Variants in FBXO5 observed in about 807,000 individuals in gnomAD.
FBXO5 encodes the protein F-box only protein 5.
In FBXO5, 8 loss-of-function variants were observed where a neutral mutation model predicts 43.3. The ratio of observed to expected loss-of-function variants is 0.18; its 90% confidence interval spans 0.11 to 0.33. FBXO5 has a LOEUF of 0.33. Ranked by LOEUF, FBXO5 falls within the 10% of genes least tolerant of loss-of-function variation. The pLI is 1.00. For synonymous variants in FBXO5, 204 were observed against 193.7 expected (o/e 1.05, Z -0.44); for missense variants, 491 against 535.7 (o/e 0.92, Z 0.82).
upstream of FBXO5, chr6:152,983,087 T>C (rs1359822721): frequency 3.8e-6 from 2 of 519,868 alleles, no homozygotes; most frequent in Non-Finnish European, 6.3e-6. Flanking sequence ...TTGAATTTGG[T>C]GCCTAAATCC....
At chr6:152,982,124 A>T (rs1367957844) in intron 1 of FBXO5, among the ~76,000 whole-genome samples, 1 of 152,124 alleles carries the variant, frequency 6.6e-6, no homozygotes, top group Non-Finnish European at 1.5e-5. Flanking sequence ...TAACGGGCAA[A>T]GGGAGAAAAA....
Position 152,983,003 on chromosome 6 carries a change from G to C in FBXO5, c.-44C>G. The stretch of plus-strand genomic sequence containing the variant: ...TGCCTCAGGTGGAGGAACCGCTCCG[G>C]GGGCAGCTGAGCAACCTGCCTGCTT... On this transcript the variant is annotated 5_prime_UTR_variant, in exon 1 of 5. Transcript: ENST00000229758. 7.9e-7 allele frequency: 1 copy of C among 1,260,326 alleles called. No individual in the cohort carries two copies. The highest frequency in any genetic ancestry group is 4.0e-5 in the Admixed American group (1 of 25,078). 78.1% of individuals were successfully genotyped at this position (1,260,326 alleles called of 1,614,324 possible).
chr6:152,979,666 A>T (rs1205896239), intron 1 of FBXO5, among the ~76,000 whole-genome samples: 1 of 152,230 alleles, frequency 6.6e-6, no homozygotes, highest in Non-Finnish European at 1.5e-5. Context: ...CCAATCATTT[A>T]TATCAGTATA....
At chr6:152,981,044 T>C (rs1778251159) in intron 1 of FBXO5, among the ~76,000 whole-genome samples, 1 of 152,166 alleles carries the variant, frequency 6.6e-6, no homozygotes, top group Admixed American at 6.5e-5. Flanking sequence ...CACAAAGAAG[T>C]ATATATTTCA....
At position 152,971,428 on chromosome 6, in the gene FBXO5, A is replaced by T. The variant is rs1324766060; in HGVS notation, c.1093-14T>A. ...TGTCTTGGCAACCTAAAAAGAAAAA[A>T]AAAACCCATTAACAAATTTCAGCAA... On this transcript the variant is annotated splice_polypyrimidine_tract_variant and intron_variant, in intron 4 of 4. Transcript: ENST00000229758. 1 of 1,577,134 alleles carries T rather than the reference A, an allele frequency of 6.3e-7. No individual in the cohort carries two copies. The highest frequency in any genetic ancestry group is 2.2e-5 in the East Asian group (1 of 44,706).
Position 152,978,086 on chromosome 6 carries a change from T to C in FBXO5, c.104-2465A>G, listed in dbSNP as rs1427678847. On this transcript the variant is annotated intron_variant, in intron 1 of 4. Transcript: ENST00000229758. ...GTTAATTAAATGAGCCAGATTTCTC[T>C]TCCTCATTATAATGAGGTGCTCTGG... Among the ~76,000 whole-genome samples, 5 of 152,206 alleles carry C rather than the reference T, an allele frequency of 3.3e-5. No individual in the cohort carries two copies. The East Asian group carries it at 9.6e-4, about 29-fold the overall frequency.
In FBXO5 at chr6:152,971,102, G is replaced by C. The variant is rs541818696; in HGVS notation, c.*61C>G. 432 of 1,482,466 alleles carry C rather than the reference G, an allele frequency of 2.9e-4. 1 individual carries two copies. The highest frequency in any genetic ancestry group is 3.8e-4 in the Non-Finnish European group (418 of 1,108,914). The allele number at this position is 1,482,466 out of a possible 1,614,324, so 91.8% of individuals were successfully genotyped here. ...AAAATCACAATACAATTTTTTTTAA[G>C]TTAAAACCTAACATTTTCTAACTAA... On this transcript the variant is annotated 3_prime_UTR_variant, in exon 5 of 5. Coordinates refer to ENST00000229758, the MANE Select transcript of FBXO5 (RefSeq NM_012177.5).
In FBXO5 at chr6:152,972,466, A is replaced by C; in HGVS notation, c.910-12T>G. 1 of 1,554,508 alleles carries C rather than the reference A, an allele frequency of 6.4e-7. No individual in the cohort carries two copies. Among genetic ancestry groups the C allele is most frequent in the Non-Finnish European group, 8.7e-7 (1 of 1,145,408 alleles). On this transcript the variant is annotated splice_polypyrimidine_tract_variant and intron_variant, in intron 3 of 4. Coordinates refer to ENST00000229758, the MANE Select transcript of FBXO5 (RefSeq NM_012177.5). ...TTATTGTTGTTTTCCTAATTTAAAA[A>C]AAAGTTTTAATAGAATTTAGAAATT...
chr6:152,978,376 TTGGGGG>T (rs1252726768), intron 1 of FBXO5, among the ~76,000 whole-genome samples: 30 of 5,678 alleles, frequency 5.3e-3, no homozygotes, highest in African/African-American at 0.015. Flanking sequence ...GCTTCATTTT[TTGGGGG>T]GGGGGGGGGG....
intron 1 of FBXO5, among the ~76,000 whole-genome samples, chr6:152,980,526 G>A (rs1323014554): frequency 6.6e-6 from 1 of 152,162 alleles, no homozygotes; most frequent in Non-Finnish European, 1.5e-5. Context: ...CAAAAGTGGA[G>A]AAATTTGGTT....
rs764039965 is a variant in FBXO5, at chr6:152,972,997, A to C, written c.909+49T>G. The C allele has an allele frequency of 8.6e-6, 12 of 1,393,916 alleles. No homozygotes were observed. The Middle Eastern group carries it at 5.4e-4, about 62-fold the overall frequency. The allele number at this position is 1,393,916 out of a possible 1,614,324, so 86.3% of individuals were successfully genotyped here. On this transcript the variant is annotated intron_variant, in intron 3 of 4. Coordinates refer to ENST00000229758, the MANE Select transcript of FBXO5 (RefSeq NM_012177.5). ...CTCTTTTCTTTTCTATTTCTAGAAG[A>C]GCACTAACAGTGCATTTTTAACTAA...
rs780836670 is a variant in FBXO5, at chr6:152,974,895, A to G, written c.818+12T>C. ...GTATTATGCTAATATGTATATTCAA[A>G]ACAGTACTTACTTGATTAAGTCCAT... On this transcript the variant is annotated intron_variant, in intron 2 of 4. Transcript: ENST00000229758. 6.4e-7 allele frequency: 1 copy of G among 1,564,738 alleles called. No individual in the cohort carries two copies. Among genetic ancestry groups the G allele is most frequent in the Admixed American group, 1.9e-5 (1 of 52,606 alleles).
intron 1 of FBXO5, among the ~76,000 whole-genome samples, chr6:152,979,262 A>G (rs1050600133): frequency 2.6e-5 from 4 of 152,188 alleles, no homozygotes; most frequent in Non-Finnish European, 5.9e-5. Context: ...ACATTTAGTC[A>G]TCATATCTCC....
At chr6:152,976,925 G>A (rs557855165) in intron 1 of FBXO5, among the ~76,000 whole-genome samples, 1 of 152,288 alleles carries the variant, frequency 6.6e-6, no homozygotes, top group South Asian at 2.1e-4. Flanking sequence ...GACACCAGTG[G>A]CAGCCCCCAC....
At chr6:152,971,462 T>G in intron 4 of FBXO5, 48 bp from the exon 5 acceptor site, 1 of 1,548,424 alleles carries the variant, frequency 6.5e-7, no homozygotes, top group Non-Finnish European at 8.7e-7. Context: ...AAGAATTACA[T>G]GTACTTTAGT....
At chr6:152,981,821 T>C (rs1263871590) in intron 1 of FBXO5, among the ~76,000 whole-genome samples, 1 of 152,114 alleles carries the variant, frequency 6.6e-6, no homozygotes, top group African/African-American at 2.4e-5. Context: ...AATAGTACAA[T>C]GCCGAATTGC....
At chr6:152,979,443 T>C (rs1013472824) in intron 1 of FBXO5, among the ~76,000 whole-genome samples, 1 of 152,260 alleles carries the variant, frequency 6.6e-6, no homozygotes, top group East Asian at 1.9e-4. Flanking sequence ...TGATTTGAAC[T>C]GTTGTTAGCC....
At position 152,970,996 on chromosome 6, in the gene FBXO5, A is replaced by G; in HGVS notation, c.*167T>C. 2.0e-6 allele frequency: 1 copy of G among 492,376 alleles called. No individual in the cohort carries two copies. The highest frequency in any genetic ancestry group is 3.4e-6 in the Non-Finnish European group (1 of 294,462). The allele number at this position is 492,376 out of a possible 1,614,324, so 30.5% of individuals were successfully genotyped here. On this transcript the variant is annotated 3_prime_UTR_variant, in exon 5 of 5. Coordinates refer to ENST00000229758, the MANE Select transcript of FBXO5 (RefSeq NM_012177.5). ...CTTTTTCTCATTAAATTGTAAAAAT[A>G]TTTTAAGAGGTTGTCTATCCTCTTT...
chr6:152,982,383 G>A (rs531845555), intron 1 of FBXO5, among the ~76,000 whole-genome samples: 1 of 152,266 alleles, frequency 6.6e-6, no homozygotes, highest in African/African-American at 2.4e-5. Flanking sequence ...CTGTGAGGGT[G>A]CGGGGCAGAT....
Sources: allele counts gnomAD v4.1 joint callset (sites outside exome capture counted in the v4.1 genomes callset), GRCh38; gene constraint gnomAD v4.1.1; transcripts MANE v1.5; gene names NCBI Gene and HGNC (gene_info 2026-07-23, HGNC 2026-07-21).